The following C2CD5 variants were observed in gnomAD, a reference collection of about 807,000 sequenced individuals.
The protein encoded by C2CD5 is C2 calcium dependent domain containing 5, also known as C2 domain-containing protein 5.
In C2CD5, 109 loss-of-function variants were observed where a neutral mutation model predicts 130.3. The observed-to-expected ratio is 0.84, with a 90% CI of 0.72 to 0.98. C2CD5 has a LOEUF of 0.98. Among genes scored for constraint, C2CD5 ranks in the 50% least tolerant of loss-of-function variants. The probability of loss-of-function intolerance (pLI) is 0.00; values close to 1 mark genes in which losing one functional copy is unlikely to be tolerated. For missense variants in C2CD5, 996 were observed against 1,261.8 expected, an observed-to-expected ratio of 0.79 and a Z score of 3.19; for synonymous variants, 454 against 429.2, an observed-to-expected ratio of 1.06 and a Z score of -0.71.
rs117847480 is a variant in C2CD5 at position 22,498,575 on chromosome 12, A to G, written c.1148-5238T>C. On this transcript the variant is annotated intron_variant, in intron 10 of 26. Coordinates refer to ENST00000446597, the MANE Select transcript of C2CD5 (RefSeq NM_001286176.2). ...AACTAAATGAATTTTCTAAACAACT[A>G]TAATTCTGATGGCAAACAAAAAAGA... 2.8e-4 allele frequency among the ~76,000 whole-genome samples: 42 copies of G among 152,314 alleles called. No individual in the cohort carries two copies. In the East Asian group the frequency reaches 7.9e-3, roughly 29 times the overall value.
At chr12:22,492,202 G>A (rs1021683292) in intron 11 of C2CD5, among the ~76,000 whole-genome samples, 2 of 152,102 alleles carry the variant, frequency 1.3e-5, no homozygotes, top group Non-Finnish European at 2.9e-5. Flanking sequence ...CCTAAGAATA[G>A]ATGGTAGAAA....
At chr12:22,467,147 T>A (rs1942210118) in intron 22 of C2CD5, among the ~76,000 whole-genome samples, 1 of 152,284 alleles carries the variant, frequency 6.6e-6, no homozygotes, top group South Asian at 2.1e-4. Flanking sequence ...TTGGTTTAAT[T>A]GATTAAAAGT....
chr12:22,480,826 A>G (rs1944602159), intron 14 of C2CD5, among the ~76,000 whole-genome samples: 1 of 151,218 alleles, frequency 6.6e-6, no homozygotes, highest in Non-Finnish European at 1.5e-5. Flanking sequence ...TTTTAAAGAC[A>G]GGGTCTCTCG....
chr12:22,485,838 T>G (rs930331076), intron 12 of C2CD5, among the ~76,000 whole-genome samples: 4 of 152,066 alleles, frequency 2.6e-5, no homozygotes, highest in Admixed American at 2.6e-4. Flanking sequence ...AAATATGAAA[T>G]GTACACAGGG....
intron 9 of C2CD5, among the ~76,000 whole-genome samples, chr12:22,508,605 G>A (rs896537064): frequency 2.0e-5 from 3 of 152,088 alleles, no homozygotes; most frequent in African/African-American, 7.2e-5. Flanking sequence ...AGCACACACG[G>A]GGTAATTACA....
At chr12:22,478,569 G>A in intron 14 of C2CD5, 92 bp from the exon 15 acceptor site, 3 of 1,100,486 alleles carry the variant, frequency 2.7e-6, no homozygotes, top group South Asian at 2.9e-5. Context: ...TCAACAGCTG[G>A]GTGCAGTGGC....
intron 12 of C2CD5, among the ~76,000 whole-genome samples, chr12:22,489,215 TG>T (rs1186415891): frequency 7.2e-5 from 11 of 151,946 alleles, no homozygotes; most frequent in Admixed American, 3.9e-4. Flanking sequence ...ATATTAATAC[TG>T]GGGAGGGGGG....
intron 10 of C2CD5, among the ~76,000 whole-genome samples, chr12:22,494,057 C>A (rs892549189): frequency 1.3e-5 from 2 of 151,956 alleles, no homozygotes; most frequent in African/African-American, 4.8e-5. Context: ...CCAGAGAAGT[C>A]CAATATTGCT....
At chr12:22,457,416 T>G (rs889817160) in intron 24 of C2CD5, among the ~76,000 whole-genome samples, 3 of 152,140 alleles carry the variant, frequency 2.0e-5, no homozygotes, top group African/African-American at 7.2e-5. Flanking sequence ...GCAGTATAGC[T>G]ACACACACAA....
At chr12:22,454,569 ATTTT>A (rs5796959) in intron 25 of C2CD5, among the ~76,000 whole-genome samples, 1 of 135,720 alleles carries the variant, frequency 7.4e-6, no homozygotes. Context: ...CAGACTTTTC[ATTTT>A]TTTTTTTTTT....
At chr12:22,472,232 C>G in intron 18 of C2CD5, 54 bp downstream of exon 18, 1 of 1,073,138 alleles carries the variant, frequency 9.3e-7, no homozygotes, top group South Asian at 1.4e-5. Flanking sequence ...TTAAATGGAA[C>G]TTACTAAAAT....
intron 11 of C2CD5, among the ~76,000 whole-genome samples, chr12:22,492,048 T>G (rs143084200): frequency 1.3e-3 from 195 of 152,080 alleles, no homozygotes; most frequent in Non-Finnish European, 2.1e-3. Context: ...TCTAGGAGTA[T>G]AACACATGAT....
intron 13 of C2CD5, chr12:22,484,420 G>C (rs1361761269): frequency 9.8e-6 from 3 of 306,270 alleles, no homozygotes; most frequent in Admixed American, 9.9e-5. Context: ...TCTATACTTA[G>C]TCACATCCCT....
At chr12:22,518,362 CA>C (rs1190845204) in intron 7 of C2CD5, among the ~76,000 whole-genome samples, 1 of 150,818 alleles carries the variant, frequency 6.6e-6, no homozygotes, top group Non-Finnish European at 1.5e-5. Context: ...AGTGAAAAAG[CA>C]AAAAAGCATG....
intron 1 of C2CD5, 64 bp from the exon 2 acceptor site, chr12:22,544,243 G>A: frequency 7.6e-7 from 1 of 1,307,856 alleles, no homozygotes; most frequent in Non-Finnish European, 1.1e-6. Context: ...GCGGAGGCGC[G>A]CGGGGTAACT....
intron 15 of C2CD5, 107 bp downstream of exon 15, chr12:22,478,206 G>C (rs989134036): frequency 1.5e-5 from 12 of 822,180 alleles, no homozygotes; most frequent in Non-Finnish European, 2.4e-5. Context: ...GAGTAATAAG[G>C]AGAGCTAAAC....
intron 14 of C2CD5, among the ~76,000 whole-genome samples, chr12:22,481,560 G>A (rs1035302756): frequency 4.0e-5 from 6 of 150,516 alleles, no homozygotes; most frequent in African/African-American, 1.5e-4. Flanking sequence ...TTTCCAGTCA[G>A]AATTTATTTG....
intron 6 of C2CD5, 68 bp from the exon 7 acceptor site, chr12:22,523,692 G>GT: frequency 2.7e-6 from 3 of 1,098,088 alleles, no homozygotes; most frequent in Non-Finnish European, 3.9e-6. Flanking sequence ...ACTGGACATG[G>GT]TAGTGGTAAA....
In C2CD5 at chr12:22,484,874, A is replaced by C. The variant is rs1945260437; in HGVS notation, c.1373T>G (p.Leu458Trp). ...ATGACAAAATCCACAACGTGTAGGC[A>C]AATTTTCTTCAAGCCTATATAAATA... ...GCLEQRLEEN[L>W]PTRCGFCHIP... Residue 458 changes from leucine (L) to tryptophan (W), a missense_variant, in exon 13 of 27, where the codon TTG becomes TGG. Around this residue, in one of 9 missense-constraint regions of C2CD5, gnomAD observed 590 missense variants for 631.4 expected, o/e 0.93. Transcript: ENST00000446597. The C allele has an allele frequency of 3.9e-6, 6 of 1,536,470 alleles. No individual in the cohort carries two copies. Among genetic ancestry groups the C allele is most frequent in the Non-Finnish European group, 5.3e-6 (6 of 1,140,282 alleles).
Sources: gnomAD v4.1 joint callset for allele counts (sites outside exome capture counted in the v4.1 genomes callset) on GRCh38, gnomAD v4.1.1 for gene constraint, gnomAD v4.1.1 regional missense constraint, MANE v1.5 for transcripts, NCBI Gene and HGNC (gene_info 2026-07-23, HGNC 2026-07-21) for gene names.